Variants in CHD9 observed in about 807,000 individuals in gnomAD.
CHD9 encodes the protein ATP-dependent chromatin remodeler CHD9.
In CHD9, 77 loss-of-function variants were observed where a neutral mutation model predicts 316.1. The observed-to-expected ratio is 0.24, with a 90% CI of 0.20 to 0.29. The LOEUF (loss-of-function observed/expected upper bound fraction) is 0.29, where lower values mean the gene tolerates loss of function less well. Ranked by LOEUF, CHD9 falls within the 10% of genes least tolerant of loss-of-function variation. CHD9 has a pLI of 1.00. For synonymous variants in CHD9, 1,129 were observed against 1,158.3 expected, an observed-to-expected ratio of 0.97 and a Z score of 0.51; for missense variants, 2,763 against 3,438.1, an observed-to-expected ratio of 0.80 and a Z score of 4.91.
intron 20 of CHD9, among the ~76,000 whole-genome samples, chr16:53,266,153 G>A (rs8063439): frequency 6.6e-6 from 1 of 151,336 alleles, no homozygotes; most frequent in African/African-American, 2.4e-5. Context: ...AAATTAGTGG[G>A]TAAAAGTTTA....
chr16:53,322,922 TA>T, intron 38 of CHD9, among the ~76,000 whole-genome samples: 1 of 152,350 alleles, frequency 6.6e-6, no homozygotes, highest in East Asian at 1.9e-4. Flanking sequence ...ATTTTTTTAA[TA>T]TTTTTTGTTG....
intron 11 of CHD9, among the ~76,000 whole-genome samples, chr16:53,237,761 A>G (rs1019971263): frequency 6.6e-6 from 1 of 152,038 alleles, no homozygotes; most frequent in Admixed American, 6.6e-5. Context: ...TGTGAAGCTT[A>G]TTTTTGAAAT....
intron 1 of CHD9, among the ~76,000 whole-genome samples, chr16:53,095,422 G>T (rs1315733922): frequency 6.6e-6 from 1 of 151,746 alleles, no homozygotes; most frequent in East Asian, 1.9e-4. Context: ...GGTGGTGTGT[G>T]CCTGTAGTCC....
chr16:53,296,576 G>A (rs926571332), intron 29 of CHD9, among the ~76,000 whole-genome samples: 3 of 151,614 alleles, frequency 2.0e-5, no homozygotes, highest in African/African-American at 7.3e-5. Context: ...GAGCAGCTGG[G>A]ACTACAGGCG....
chr16:53,176,235 T>A (rs538444409), intron 2 of CHD9, among the ~76,000 whole-genome samples: 1 of 152,246 alleles, frequency 6.6e-6, no homozygotes, highest in Non-Finnish European at 1.5e-5. Flanking sequence ...ATTCTGTGGC[T>A]TGTGGCACCA....
At chr16:53,269,890 A>C (rs2052070175) in intron 22 of CHD9, among the ~76,000 whole-genome samples, 1 of 152,124 alleles carries the variant, frequency 6.6e-6, no homozygotes, top group Non-Finnish European at 1.5e-5. Context: ...CCCGCCCCCC[A>C]CAATGAAGAA....
chr16:53,200,364 CTGTCTCAAAAAAAAAAA>C lies in CHD9; in HGVS notation c.1453-9117_1453-9101del, dbSNP rs2045342620. On this transcript the variant is annotated intron_variant, in intron 2 of 38. Coordinates refer to ENST00000447540, the MANE Select transcript of CHD9 (RefSeq NM_001308319.2). ...CCATTCTGGGCAACAGAGCAATACT[CTGTCTCAAAAAAAAAAA>C]AAAAAAAAACCACAAAAATTAGCCA... Among the ~76,000 whole-genome samples, 4 of 113,998 alleles carry C rather than the reference CTGTCTCAAAAAAAAAAA, an allele frequency of 3.5e-5. No individual in the cohort carries two copies. The Admixed American group carries it at 3.7e-4, about 11-fold the overall frequency. The allele number at this position is 113,998 out of a possible 152,430, so 74.8% of individuals were successfully genotyped here. A position where few individuals can be genotyped will look rare whatever the true frequency, so the allele number is the denominator to read the frequency against.
At position 53,170,578 on chromosome 16, in the gene CHD9, CGTGTGT is replaced by C. The variant is rs10593955; in HGVS notation, c.1452+13074_1452+13079del. Among the ~76,000 whole-genome samples the C allele has an allele frequency of 8.8e-3, 1,231 of 140,278 alleles. 10 individuals are homozygous for C. Among genetic ancestry groups the C allele is most frequent in the South Asian group, 0.024 (101 of 4,194 alleles). The allele number at this position is 140,278 out of a possible 152,430, so 92.0% of individuals were successfully genotyped here. ...GTGCAGTACTAGTATTTTGTAATTT[CGTGTGT>C]GTGTGTGTGTGTGTGTGTGTGTGTG... On this transcript the variant is annotated intron_variant, in intron 2 of 38. Coordinates refer to ENST00000447540, the MANE Select transcript of CHD9 (RefSeq NM_001308319.2).
intron 24 of CHD9, among the ~76,000 whole-genome samples, chr16:53,277,077 A>G (rs2153022973): frequency 6.6e-6 from 1 of 152,312 alleles, no homozygotes; most frequent in East Asian, 1.9e-4. Flanking sequence ...TACCCTAAAC[A>G]GACAAAGAAC....
At chr16:53,160,368 G>A (rs1001476535) in intron 2 of CHD9, among the ~76,000 whole-genome samples, 15 of 152,122 alleles carry the variant, frequency 9.9e-5, no homozygotes, top group African/African-American at 3.4e-4. Context: ...GGAATGAATG[G>A]AGGATAATTA....
intron 19 of CHD9, among the ~76,000 whole-genome samples, chr16:53,262,569 A>G (rs35020801): frequency 4.6e-5 from 7 of 152,270 alleles, no homozygotes; most frequent in Non-Finnish European, 8.8e-5. Flanking sequence ...AGATATTACT[A>G]TCTGAAAATG....
At chr16:53,162,157 A>G (rs531060463) in intron 2 of CHD9, among the ~76,000 whole-genome samples, 1 of 152,306 alleles carries the variant, frequency 6.6e-6, no homozygotes, top group African/African-American at 2.4e-5. Flanking sequence ...AACAGTGAAT[A>G]TTGCTGATTT....
At chr16:53,135,215 A>G (rs978042377) in intron 1 of CHD9, among the ~76,000 whole-genome samples, 3 of 152,188 alleles carry the variant, frequency 2.0e-5, no homozygotes, top group Non-Finnish European at 1.5e-5. Flanking sequence ...AGAAAACCAT[A>G]TGAGCTGAAA....
chr16:53,281,797 C>G (rs1411086369), intron 24 of CHD9, among the ~76,000 whole-genome samples: 1 of 152,134 alleles, frequency 6.6e-6, no homozygotes, highest in Non-Finnish European at 1.5e-5. Flanking sequence ...CAGAACCGCC[C>G]CTTCAGATTA....
At chr16:53,115,706 TGA>T (rs2038242167) in intron 1 of CHD9, among the ~76,000 whole-genome samples, 1 of 152,228 alleles carries the variant, frequency 6.6e-6, no homozygotes, top group Admixed American at 6.5e-5. Flanking sequence ...TTCTAGGTGC[TGA>T]GAGTTTTTCG....
chr16:53,200,592 G>A (rs2045370888), intron 2 of CHD9, among the ~76,000 whole-genome samples: 1 of 152,038 alleles, frequency 6.6e-6, no homozygotes, highest in East Asian at 1.9e-4. Context: ...TTGAAAATGT[G>A]GAAGGAATTA....
At chr16:53,105,653 T>C (rs2076813611) in intron 1 of CHD9, among the ~76,000 whole-genome samples, 1 of 152,140 alleles carries the variant, frequency 6.6e-6, no homozygotes, top group Non-Finnish European at 1.5e-5. Flanking sequence ...GGAATCAAAG[T>C]TATACTATGA....
rs866629323 is a variant in CHD9 at position 53,304,555 on chromosome 16, T to C, written c.6549T>C (p.Ser2183=). 1.3e-6 allele frequency: 2 copies of C among 1,540,722 alleles called. No homozygotes were observed. Among genetic ancestry groups the C allele is most frequent in the African/African-American group, 1.4e-5 (1 of 72,894 alleles). Residue 2183 remains serine, a synonymous_variant, in exon 31 of 39, where the codon TCT becomes TCC. Coordinates refer to ENST00000447540, the MANE Select transcript of CHD9 (RefSeq NM_001308319.2). Reference sequence around the variant, plus strand: ...CTTCTTCATCCTCTTCCTCCACCTCTTCCTCCTCCTCCTCCTCTTCATCTT... The same window carrying C: ...CTTCTTCATCCTCTTCCTCCACCTCCTCCTCCTCCTCCTCCTCTTCATCTT... ...SASSSSSSST[S]SSSSSSSSSS... is the part of the protein sequence containing the mutation.
chr16:53,311,108 C>T (rs2056439920), intron 34 of CHD9: 1 of 150,356 alleles, frequency 6.7e-6, no homozygotes, highest in African/African-American at 2.4e-5. Flanking sequence ...ATCACTTGAT[C>T]TCAGGAGGAA....
Sources: allele counts gnomAD v4.1 joint callset (sites outside exome capture counted in the v4.1 genomes callset), GRCh38; gene constraint gnomAD v4.1.1; transcripts MANE v1.5; gene names NCBI Gene and HGNC (gene_info 2026-07-23, HGNC 2026-07-21).